The following HNRNPAB variants were observed in gnomAD, a reference collection of about 807,000 sequenced individuals.
The protein encoded by HNRNPAB is ABBP-1.
Under a neutral mutation model 44.1 loss-of-function variants are expected in HNRNPAB, and 17 were observed. That is an observed-to-expected ratio of 0.39 (90% CI 0.26 to 0.58). The LOEUF (loss-of-function observed/expected upper bound fraction) is 0.58, where lower values mean the gene tolerates loss of function less well. Ranked by LOEUF, HNRNPAB falls within the 20% of genes least tolerant of loss-of-function variation. The probability of loss-of-function intolerance (pLI) is 0.63; values close to 1 mark genes in which losing one functional copy is unlikely to be tolerated. For synonymous variants in HNRNPAB, 183 were observed against 167.6 expected, an observed-to-expected ratio of 1.09 and a Z score of -0.71; for missense variants, 393 against 432.7, an observed-to-expected ratio of 0.91 and a Z score of 0.81.
At position 178,210,920 on chromosome 5, in the gene HNRNPAB, T is replaced by C; in HGVS notation, c.*297T>C. On this transcript the variant is annotated 3_prime_UTR_variant, in exon 8 of 8. Transcript: ENST00000358344. Reference sequence around the variant, plus strand: ...CTGCTGCCGCTCTGCAGCCTGGACCTGTGGACCCTGGTTGTAAAGAGTAAA... The same window carrying C: ...CTGCTGCCGCTCTGCAGCCTGGACCCGTGGACCCTGGTTGTAAAGAGTAAA... 2.3e-6 allele frequency: 1 copy of C among 429,602 alleles called. No individual in the cohort carries two copies. Among genetic ancestry groups the C allele is most frequent in the Non-Finnish European group, 4.2e-6 (1 of 238,822 alleles). 26.6% of individuals were successfully genotyped at this position (429,602 alleles called of 1,614,324 possible).
intron 5 of HNRNPAB, among the ~76,000 whole-genome samples, 187 bp from the exon 6 acceptor site, chr5:178,209,143 G>C (rs535338401): frequency 1.3e-5 from 2 of 152,346 alleles, no homozygotes; most frequent in South Asian, 4.1e-4. Flanking sequence ...TTCTCTGCTG[G>C]AAGGCCTTTG....
intron 7 of HNRNPAB, 138 bp downstream of exon 7, chr5:178,210,410 C>G: frequency 6.5e-7 from 1 of 1,547,310 alleles, no homozygotes; most frequent in Non-Finnish European, 8.8e-7. Flanking sequence ...GATTTTGAGC[C>G]TTAGACTTCG....
chr5:178,206,628 T>G, intron 3 of HNRNPAB, 104 bp from the exon 4 acceptor site: 1 of 1,073,658 alleles, frequency 9.3e-7, no homozygotes, highest in East Asian at 2.4e-5. Flanking sequence ...TTGGAGGGGG[T>G]GAAACACATG....
chr5:178,206,945 T>C, intron 4 of HNRNPAB, 55 bp downstream of exon 4: 1 of 1,604,194 alleles, frequency 6.2e-7, no homozygotes, highest in Non-Finnish European at 8.5e-7. Context: ...GCCTTCTTTC[T>C]GGTCCTTGGT....
intron 5 of HNRNPAB, 123 bp downstream of exon 5, chr5:178,207,348 T>C (rs1339158735): frequency 2.1e-5 from 24 of 1,136,018 alleles, no homozygotes; most frequent in Admixed American, 6.9e-5. Flanking sequence ...ACTATTTCTC[T>C]GAAGCGTATG....
intron 5 of HNRNPAB, among the ~76,000 whole-genome samples, chr5:178,207,665 T>TTG (rs1757135170): frequency 6.6e-6 from 1 of 151,298 alleles, no homozygotes; most frequent in South Asian, 2.1e-4. Context: ...AACCAAGTCT[T>TTG]TGTCCACTTC....
At position 178,210,902 on chromosome 5, in the gene HNRNPAB, C is replaced by G. The variant is rs187811984; in HGVS notation, c.*279C>G. 1 of 495,420 alleles carries G rather than the reference C, an allele frequency of 2.0e-6. No homozygotes were observed. The highest frequency in any genetic ancestry group is 3.7e-5 in the East Asian group (1 of 27,330). 30.7% of individuals were successfully genotyped at this position (495,420 alleles called of 1,614,324 possible). On this transcript the variant is annotated 3_prime_UTR_variant, in exon 8 of 8. Coordinates refer to ENST00000358344, the MANE Select transcript of HNRNPAB (RefSeq NM_031266.3). ...GGTGGGAGGCTCTGCTTCCTGCTGC[C>G]GCTCTGCAGCCTGGACCTGTGGACC...
Position 178,205,855 on chromosome 5 carries a change from G to A in HNRNPAB, c.223G>A (p.Gly75Ser). The A allele has an allele frequency of 6.2e-7, 1 of 1,613,504 alleles. No individual in the cohort carries two copies. The highest frequency in any genetic ancestry group is 8.5e-7 in the Non-Finnish European group (1 of 1,179,710). Residue 75 changes from glycine (G) to serine (S), a missense_variant, in exon 3 of 8, where the codon GGT becomes AGT. Around this residue, in one of 3 missense-constraint regions of HNRNPAB, gnomAD observed 102 missense variants for 162.3 expected, o/e 0.63. Coordinates refer to ENST00000358344, the MANE Select transcript of HNRNPAB (RefSeq NM_031266.3). ...NEEDAGKMFVGGLSWDTSKKD... is the reference protein window; with the variant it reads ...NEEDAGKMFVSGLSWDTSKKD... The stretch of plus-strand genomic sequence containing the variant: ...CTACCATTTCAGAAAAATGTTCGTT[G>A]GTGGCCTGAGCTGGGATACTAGCAA...
chr5:178,204,680 C>G lies in HNRNPAB; in HGVS notation c.-84C>G, dbSNP rs1756974245. 3 of 339,086 alleles carry G rather than the reference C, an allele frequency of 8.8e-6. No homozygotes were observed. Among genetic ancestry groups the G allele is most frequent in the African/African-American group, 2.2e-5 (1 of 45,776 alleles). The allele number at this position is 339,086 out of a possible 1,614,324, so 21.0% of individuals were successfully genotyped here. A position where few individuals can be genotyped will look rare whatever the true frequency, so the allele number is the denominator to read the frequency against. Reference sequence around the variant, plus strand: ...CAGCGCGAGCTTGAGTGCGGCCGAGCCTGCGGCGCCTTCCCCTGCGGGTGG... The same window carrying G: ...CAGCGCGAGCTTGAGTGCGGCCGAGGCTGCGGCGCCTTCCCCTGCGGGTGG... On this transcript the variant is annotated 5_prime_UTR_variant, in exon 1 of 8. Coordinates refer to ENST00000358344, the MANE Select transcript of HNRNPAB (RefSeq NM_031266.3).
At position 178,210,713 on chromosome 5, in the gene HNRNPAB, C is replaced by A; in HGVS notation, c.*90C>A. Reference sequence around the variant, plus strand: ...TATGTACCAAATTTAACTTGGCAAACTTTCTATTGCCTGTCCCATGTGCAT... The same window carrying A: ...TATGTACCAAATTTAACTTGGCAAAATTTCTATTGCCTGTCCCATGTGCAT... On this transcript the variant is annotated 3_prime_UTR_variant, in exon 8 of 8. Coordinates refer to ENST00000358344, the MANE Select transcript of HNRNPAB (RefSeq NM_031266.3). 3 of 961,798 alleles carry A rather than the reference C, an allele frequency of 3.1e-6. No homozygotes were observed. Among genetic ancestry groups the A allele is most frequent in the Non-Finnish European group, 5.0e-6 (3 of 597,322 alleles). The allele number at this position is 961,798 out of a possible 1,614,324, so 59.6% of individuals were successfully genotyped here.
Position 178,207,230 on chromosome 5 carries a change from G to A in HNRNPAB, c.669+5G>A, listed in dbSNP as rs199803568. ...CATACTGTCAGTGGAAGCAAGGTAA[G>A]GTGTTCCCAGCTCTGCTTGGCCTCC... On this transcript the variant is annotated splice_donor_5th_base_variant and intron_variant, in intron 5 of 7. Coordinates refer to ENST00000358344, the MANE Select transcript of HNRNPAB (RefSeq NM_031266.3). 2,271 of 1,614,052 alleles carry A rather than the reference G, an allele frequency of 1.4e-3. 3 individuals are homozygous for A. The highest frequency in any genetic ancestry group is 1.8e-3 in the Non-Finnish European group (2,163 of 1,179,968).
intron 2 of HNRNPAB, among the ~76,000 whole-genome samples, chr5:178,205,275 TGCCAGG>T (rs533406836): frequency 1.4e-4 from 21 of 151,100 alleles, no homozygotes; most frequent in East Asian, 7.8e-4. Context: ...GCTCGCGCGC[TGCCAGG>T]GCCAGGGCCA....
chr5:178,206,987 G>T, intron 4 of HNRNPAB, 97 bp downstream of exon 4: 1 of 1,585,466 alleles, frequency 6.3e-7, no homozygotes, highest in Non-Finnish European at 8.6e-7. Flanking sequence ...CCCAGGCAGG[G>T]CTTATTTTTC....
intron 5 of HNRNPAB, 146 bp downstream of exon 5, chr5:178,207,371 G>GGGCAGTGT: frequency 1.1e-6 from 1 of 938,238 alleles, no homozygotes; most frequent in Non-Finnish European, 1.6e-6. Flanking sequence ...GCCCTGATTG[G>GGGCAGTGT]GGCAGTGTTC....
In HNRNPAB at chr5:178,210,669, G is replaced by C; in HGVS notation, c.*46G>C. On this transcript the variant is annotated 3_prime_UTR_variant, in exon 8 of 8. Coordinates refer to ENST00000358344, the MANE Select transcript of HNRNPAB (RefSeq NM_031266.3). ...ACTGATCGCACACATGCTTTGTTTG[G>C]ATATGGAGTGAACACAATTATGTAC... 1 of 1,427,196 alleles carries C rather than the reference G, an allele frequency of 7.0e-7. No homozygotes were observed. The highest frequency in any genetic ancestry group is 9.9e-7 in the Non-Finnish European group (1 of 1,010,472). The allele number at this position is 1,427,196 out of a possible 1,614,324, so 88.4% of individuals were successfully genotyped here.
chr5:178,210,630 A>G lies in HNRNPAB; in HGVS notation c.*7A>G. 1.9e-6 allele frequency: 3 copies of G among 1,611,124 alleles called. No homozygotes were observed. Among genetic ancestry groups the G allele is most frequent in the Non-Finnish European group, 2.5e-6 (3 of 1,177,332 alleles). Reference sequence around the variant, plus strand: ...TAACTACAAGCCATACTGAGGCGGCAGCAGGAGCGACCAACTGATCGCACA... The same window carrying G: ...TAACTACAAGCCATACTGAGGCGGCGGCAGGAGCGACCAACTGATCGCACA... On this transcript the variant is annotated 3_prime_UTR_variant, in exon 8 of 8. Coordinates refer to ENST00000358344, the MANE Select transcript of HNRNPAB (RefSeq NM_031266.3).
At chr5:178,210,314 C>A in intron 7 of HNRNPAB, 42 bp downstream of exon 7, 1 of 1,613,250 alleles carries the variant, frequency 6.2e-7, no homozygotes, top group Non-Finnish European at 8.5e-7. Context: ...CACCCCTCGT[C>A]CCCAGGGGAG....
intron 2 of HNRNPAB, 110 bp downstream of exon 2, chr5:178,205,156 T>A (rs994400746): frequency 6.5e-6 from 5 of 770,368 alleles, no homozygotes; most frequent in Non-Finnish European, 6.8e-6. Context: ...TCGGGGCTGG[T>A]GCGGCCCGCG....
chr5:178,209,907 C>T (rs1203665190), intron 6 of HNRNPAB, among the ~76,000 whole-genome samples: 2 of 152,108 alleles, frequency 1.3e-5, no homozygotes, highest in African/African-American at 4.8e-5. Flanking sequence ...AGTGAGCTGC[C>T]TTGTTTGCCC....
Sources: allele counts gnomAD v4.1 joint callset (sites outside exome capture counted in the v4.1 genomes callset), GRCh38; gene constraint gnomAD v4.1.1; regional missense constraint gnomAD v4.1.1; transcripts MANE v1.5; gene names NCBI Gene and HGNC (gene_info 2026-07-23, HGNC 2026-07-21).